The following CELF5 variants were observed in gnomAD, a reference collection of about 807,000 sequenced individuals.
CELF5 encodes the protein CUG-BP and ETR-3 like factor 5.
A neutral mutation model predicts 54.9 loss-of-function variants in CELF5; 6 were observed. That is an observed-to-expected ratio of 0.11 (90% CI 0.06 to 0.22). The LOEUF (loss-of-function observed/expected upper bound fraction) is 0.22, where lower values mean the gene tolerates loss of function less well. Among genes scored for constraint, CELF5 ranks in the 10% least tolerant of loss-of-function variants. The pLI is 1.00. For synonymous variants in CELF5, 271 were observed against 290.9 expected, an observed-to-expected ratio of 0.93 and a Z score of 0.70; for missense variants, 401 against 678.6, an observed-to-expected ratio of 0.59 and a Z score of 4.54.
chr19:3,256,526 A>G (rs902385883), intron 2 of CELF5, among the ~76,000 whole-genome samples: 1 of 148,568 alleles, frequency 6.7e-6, no homozygotes, highest in Non-Finnish European at 1.5e-5. Context: ...CTCAGGACGG[A>G]GGTTTCATTT....
chr19:3,240,825 C>T (rs1195056377), intron 1 of CELF5, among the ~76,000 whole-genome samples: 2 of 151,970 alleles, frequency 1.3e-5, no homozygotes, highest in East Asian at 1.9e-4. Flanking sequence ...CAGGCTCTGC[C>T]TCCTCCTAGC....
At chr19:3,225,990 G>C (rs1240620158) in intron 1 of CELF5, among the ~76,000 whole-genome samples, 1 of 152,166 alleles carries the variant, frequency 6.6e-6, no homozygotes, top group Non-Finnish European at 1.5e-5. Context: ...CCCGGGTGGG[G>C]GTGTCCGGCA....
chr19:3,226,238 C>T (rs1325145220), intron 1 of CELF5, among the ~76,000 whole-genome samples: 2 of 150,282 alleles, frequency 1.3e-5, no homozygotes, highest in East Asian at 4.0e-4. Flanking sequence ...GCCCGGTAAG[C>T]ATGAATGCAT....
chr19:3,286,393 C>A, intron 10 of CELF5: 1 of 240,048 alleles, frequency 4.2e-6, no homozygotes, highest in Non-Finnish European at 8.0e-6. Flanking sequence ...CCAAGGCTGT[C>A]GAAGGAGGGA....
intron 1 of CELF5, among the ~76,000 whole-genome samples, chr19:3,235,836 G>A (rs1188112212): frequency 6.7e-6 from 1 of 149,024 alleles, no homozygotes; most frequent in Non-Finnish European, 1.5e-5. Flanking sequence ...ATGGATGGAT[G>A]GATGAATGAA....
At chr19:3,260,936 T>A (rs1399511301) in intron 2 of CELF5, among the ~76,000 whole-genome samples, 1 of 151,814 alleles carries the variant, frequency 6.6e-6, no homozygotes, top group Non-Finnish European at 1.5e-5. Context: ...GGCTAATTTT[T>A]AATTTTTTTG....
In CELF5 at chr19:3,233,299, G is replaced by C. The variant is rs571473505; in HGVS notation, c.259+8301G>C. Among the ~76,000 whole-genome samples, 141 of 152,142 alleles carry C rather than the reference G, an allele frequency of 9.3e-4. 8 individuals carry two copies. In the South Asian group the frequency reaches 0.029, roughly 31 times the overall value. On this transcript the variant is annotated intron_variant, in intron 1 of 12. Transcript: ENST00000292672. ...CTAAACCCTGTCTCAAAATTCAAAA[G>C]GCAACAACTTTATTAAGTCTGTATT...
At chr19:3,285,134 G>T (rs921124271) in intron 9 of CELF5, among the ~76,000 whole-genome samples, 170 bp downstream of exon 9, 3 of 141,092 alleles carry the variant, frequency 2.1e-5, no homozygotes, top group African/African-American at 8.0e-5. Context: ...ATTCAACCCC[G>T]GGCCCTGTTA....
At chr19:3,251,187 G>A (rs2079642345) in intron 2 of CELF5, 120 bp downstream of exon 2, 3 of 713,390 alleles carry the variant, frequency 4.2e-6, no homozygotes, top group Non-Finnish European at 7.3e-6. Flanking sequence ...CTCAGAAAGA[G>A]GTATGAGGAG....
chr19:3,291,489 C>A lies in CELF5; in HGVS notation c.1330+1115C>A, dbSNP rs374880732. On this transcript the variant is annotated intron_variant, in intron 11 of 12. Coordinates refer to ENST00000292672, the MANE Select transcript of CELF5 (RefSeq NM_021938.4). ...ATTGCAGCAGGAGAATCACTAGAACCCAGGAGGTGGAGGTGGAGGTTGCAG... is the reference window on the plus strand; with the variant it reads ...ATTGCAGCAGGAGAATCACTAGAACACAGGAGGTGGAGGTGGAGGTTGCAG... 2.0e-5 allele frequency among the ~76,000 whole-genome samples: 3 copies of A among 148,568 alleles called. No homozygotes were observed. In the East Asian group the frequency reaches 5.9e-4, roughly 29 times the overall value.
Position 3,228,976 on chromosome 19 carries a change from C to T in CELF5, c.259+3978C>T, listed in dbSNP as rs117387768. ...GTGCTGTGTGGCTTCAAGCTGAGCG[C>T]GCCCCTCTCTGTGCCTCGTTTTCCC... On this transcript the variant is annotated intron_variant, in intron 1 of 12. Coordinates refer to ENST00000292672, the MANE Select transcript of CELF5 (RefSeq NM_021938.4). The surrounding 1 kb of genome is among the most constrained non-coding windows in gnomAD (Gnocchi z 6.0). Among the ~76,000 whole-genome samples, 13 of 151,870 alleles carry T rather than the reference C, an allele frequency of 8.6e-5. No individual in the cohort carries two copies. In the East Asian group the frequency reaches 9.7e-4, roughly 11 times the overall value.
At chr19:3,264,288 C>G (rs1391972009) in intron 2 of CELF5, among the ~76,000 whole-genome samples, 1 of 137,670 alleles carries the variant, frequency 7.3e-6, no homozygotes, top group Non-Finnish European at 1.5e-5. Flanking sequence ...TAAATATGTC[C>G]CTAAAGCACT....
chr19:3,256,534 TTTATTATTATTATTATTATTATTA>T (rs58462515), intron 2 of CELF5, among the ~76,000 whole-genome samples: 1 of 144,468 alleles, frequency 6.9e-6, no homozygotes, highest in Non-Finnish European at 1.5e-5. Context: ...GGAGGTTTCA[TTTATTATTATTATTATTATTATTA>T]TTATTATTAT....
intron 2 of CELF5, among the ~76,000 whole-genome samples, chr19:3,251,855 A>T (rs76518850): frequency 0.2 from 30,256 of 151,430 alleles, 3,454 homozygotes; most frequent in East Asian, 0.54. Context: ...TTGTATTTTT[A>T]GTAGAGACGG....
intron 1 of CELF5, chr19:3,225,651 C>T (rs975435812): frequency 5.4e-5 from 52 of 955,492 alleles, no homozygotes; most frequent in African/African-American, 2.5e-4. Flanking sequence ...TGGGGGCGCC[C>T]GGCTCGGGGG....
chr19:3,241,328 G>C (rs1452556597), intron 1 of CELF5, among the ~76,000 whole-genome samples: 1 of 151,074 alleles, frequency 6.6e-6, no homozygotes, highest in South Asian at 2.1e-4. Context: ...TGATCCACCC[G>C]CCTCTGCCTC....
chr19:3,293,724 C>A, intron 12 of CELF5: 1 of 409,336 alleles, frequency 2.4e-6, no homozygotes. Flanking sequence ...AGCCAGGGCC[C>A]AGTGAGGTCG....
chr19:3,269,770 C>A (rs867662987), intron 2 of CELF5, among the ~76,000 whole-genome samples: 1 of 152,148 alleles, frequency 6.6e-6, no homozygotes, highest in Non-Finnish European at 1.5e-5. Context: ...TTCCCCCTCT[C>A]CCTTTTTTGG....
intron 2 of CELF5, among the ~76,000 whole-genome samples, chr19:3,263,514 T>C (rs947577356): frequency 2.6e-5 from 4 of 152,068 alleles, no homozygotes; most frequent in African/African-American, 4.8e-5. Context: ...TGAGCCGAGA[T>C]TGTGCCACTG....
Sources: gnomAD v4.1 joint callset for allele counts (sites outside exome capture counted in the v4.1 genomes callset) on GRCh38, gnomAD v4.1.1 for gene constraint, Gnocchi (gnomAD v3.1) non-coding constraint, MANE v1.5 for transcripts, NCBI Gene and HGNC (gene_info 2026-07-23, HGNC 2026-07-21) for gene names.